The following COL26A1 variants were observed in gnomAD, a reference collection of about 807,000 sequenced individuals.
COL26A1 encodes the protein collagen type XXVI alpha 1 chain.
A neutral mutation model predicts 59.3 loss-of-function variants in COL26A1; 41 were observed. The observed-to-expected ratio is 0.69, with a 90% CI of 0.54 to 0.90. The LOEUF (loss-of-function observed/expected upper bound fraction) is 0.90, where lower values mean the gene tolerates loss of function less well. COL26A1 is among the 40% of genes least tolerant of loss of function. The pLI, the probability that COL26A1 is intolerant of heterozygous loss-of-function variation, is 0.00. For missense variants in COL26A1, 612 were observed against 602.3 expected, an observed-to-expected ratio of 1.02 and a Z score of -0.17; for synonymous variants, 266 against 256.0, an observed-to-expected ratio of 1.04 and a Z score of -0.37.
chr7:101,475,752 CTTTT>C (rs869154258), intron 3 of COL26A1, among the ~76,000 whole-genome samples: 1 of 146,786 alleles, frequency 6.8e-6, no homozygotes, highest in African/African-American at 2.6e-5. Context: ...TCCTTCCTTC[CTTTT>C]TCTTTCTTTC....
At chr7:101,532,580 C>A (rs1185695608) in intron 3 of COL26A1, among the ~76,000 whole-genome samples, 1 of 152,192 alleles carries the variant, frequency 6.6e-6, no homozygotes, top group Non-Finnish European at 1.5e-5. Context: ...ATCTTTGATG[C>A]CACTGCCTCC....
chr7:101,517,579 T>A (rs867682254), intron 3 of COL26A1, among the ~76,000 whole-genome samples: 80 of 152,198 alleles, frequency 5.3e-4, no homozygotes, highest in African/African-American at 1.8e-3. Flanking sequence ...GAGAACGGCA[T>A]GAGAAAGACC....
chr7:101,444,694 C>T (rs1168609309), intron 2 of COL26A1, among the ~76,000 whole-genome samples: 16 of 151,914 alleles, frequency 1.1e-4, no homozygotes, highest in Admixed American at 7.9e-4. Context: ...GAATTACACG[C>T]GTGAGCCACC....
intron 1 of COL26A1, among the ~76,000 whole-genome samples, chr7:101,400,351 CTATTTTTTTTTTTT>C (rs1252263676): frequency 1.6e-5 from 2 of 123,352 alleles, no homozygotes; most frequent in African/African-American, 3.1e-5. Flanking sequence ...CTTTTTTTTC[CTATTTTTTTTTTTT>C]TTTTTTTTTT....
chr7:101,490,491 C>T (rs1214673802), intron 3 of COL26A1, among the ~76,000 whole-genome samples: 1 of 151,930 alleles, frequency 6.6e-6, no homozygotes, highest in Non-Finnish European at 1.5e-5. Context: ...CACCTGAAGT[C>T]GGGAGTTCGA....
chr7:101,404,439 C>T (rs114787689), intron 1 of COL26A1, among the ~76,000 whole-genome samples: 6 of 152,164 alleles, frequency 3.9e-5, no homozygotes, highest in Admixed American at 6.5e-5. Flanking sequence ...TACCCTCCCC[C>T]CCCAAATGGC....
At chr7:101,442,796 CTG>C (rs1035852385) in intron 2 of COL26A1, among the ~76,000 whole-genome samples, 39 of 152,142 alleles carry the variant, frequency 2.6e-4, no homozygotes, top group Middle Eastern at 3.4e-3. Context: ...AAGTGTGTGA[CTG>C]TGAGTGTGCA....
intron 2 of COL26A1, among the ~76,000 whole-genome samples, chr7:101,426,993 C>A (rs1309869085): frequency 6.6e-6 from 1 of 152,156 alleles, no homozygotes; most frequent in South Asian, 2.1e-4. Flanking sequence ...CTACATTTCA[C>A]CCCCAGCATT....
intron 1 of COL26A1, among the ~76,000 whole-genome samples, chr7:101,372,504 C>T (rs533546382): frequency 5.9e-5 from 9 of 152,222 alleles, no homozygotes; most frequent in Middle Eastern, 3.4e-3. Flanking sequence ...TGACCACATA[C>T]TTAGGGAAAT....
At chr7:101,376,078 A>G (rs1353225010) in intron 1 of COL26A1, among the ~76,000 whole-genome samples, 2 of 150,274 alleles carry the variant, frequency 1.3e-5, no homozygotes. Context: ...AGGTGGGAGG[A>G]TCACTTGAGC....
intron 12 of COL26A1, among the ~76,000 whole-genome samples, chr7:101,557,026 TGGATGGATGGATGGATGGAC>T (rs1166516970): frequency 0.03 from 1,923 of 64,044 alleles, 30 homozygotes; most frequent in African/African-American, 0.071. Flanking sequence ...GATGGATGGA[TGGATGGATGGATGGATGGAC>T]GGGCAGGTAA....
At chr7:101,383,936 C>T (rs1237889439) in intron 1 of COL26A1, among the ~76,000 whole-genome samples, 2 of 152,132 alleles carry the variant, frequency 1.3e-5, no homozygotes, top group Non-Finnish European at 1.5e-5. Flanking sequence ...TCCCAAAGTG[C>T]TGGGATTACT....
chr7:101,504,115 T>C (rs1430657584), intron 3 of COL26A1, among the ~76,000 whole-genome samples: 4 of 150,718 alleles, frequency 2.7e-5, no homozygotes, highest in Non-Finnish European at 6.0e-5. Flanking sequence ...TTTTTTTTTC[T>C]TTGGGGACAC....
chr7:101,501,039 A>C (rs1794693376), intron 3 of COL26A1, among the ~76,000 whole-genome samples: 1 of 151,462 alleles, frequency 6.6e-6, no homozygotes, highest in Admixed American at 6.6e-5. Context: ...AAAAAAGTTT[A>C]GCCGGGCATG....
At chr7:101,530,422 G>A (rs1795339635) in intron 3 of COL26A1, among the ~76,000 whole-genome samples, 1 of 151,820 alleles carries the variant, frequency 6.6e-6, no homozygotes, top group Non-Finnish European at 1.5e-5. Flanking sequence ...TACACAACTA[G>A]CCGGGCGTGG....
chr7:101,379,386 C>T (rs1223877164), intron 1 of COL26A1, among the ~76,000 whole-genome samples: 1 of 152,152 alleles, frequency 6.6e-6, no homozygotes, highest in Non-Finnish European at 1.5e-5. Flanking sequence ...CGGAGGGAGC[C>T]CCGTCCTGGC....
In COL26A1 at chr7:101,557,576, C is replaced by G. The variant is rs1796011369; in HGVS notation, c.*46C>G. 3 of 1,551,796 alleles carry G rather than the reference C, an allele frequency of 1.9e-6. No individual in the cohort carries two copies. The highest frequency in any genetic ancestry group is 1.7e-6 in the Non-Finnish European group (2 of 1,144,402). ...CCCTGTCCTGGCTAGAGACCCAGCCCCAGAGGCCTGAGCCGCCGCTGTTTC... is the reference window on the plus strand; with the variant it reads ...CCCTGTCCTGGCTAGAGACCCAGCCGCAGAGGCCTGAGCCGCCGCTGTTTC... On this transcript the variant is annotated 3_prime_UTR_variant, in exon 13 of 13. Transcript: ENST00000313669.
At chr7:101,376,116 T>TGTAG (rs1562953424) in intron 1 of COL26A1, among the ~76,000 whole-genome samples, 1 of 147,018 alleles carries the variant, frequency 6.8e-6, no homozygotes, top group East Asian at 2.0e-4. Context: ...GCCTTGGCAA[T>TGTAG]ATAGCAAGAC....
chr7:101,551,238 T>TTGGGGGGGGGCCC, intron 10 of COL26A1, 95 bp downstream of exon 10: 1 of 491,352 alleles, frequency 2.0e-6, no homozygotes, highest in Non-Finnish European at 4.0e-6. Flanking sequence ...GGTGGGGGGG[T>TTGGGGGGGGGCCC]TCAGCCCTGG....
Sources: allele counts gnomAD v4.1 joint callset (sites outside exome capture counted in the v4.1 genomes callset), GRCh38; gene constraint gnomAD v4.1.1; transcripts MANE v1.5; gene names NCBI Gene and HGNC (gene_info 2026-07-23, HGNC 2026-07-21).